RGL1: variants seen among roughly 807,000 people sequenced by gnomAD.
RGL1 encodes ral guanine nucleotide dissociation stimulator like 1, also known as ral guanine nucleotide dissociation stimulator-like 1.
In RGL1, 24 loss-of-function variants were observed where a neutral mutation model predicts 95.2. That is an observed-to-expected ratio of 0.25 (90% CI 0.18 to 0.35). RGL1 has a LOEUF of 0.35. RGL1 is among the 10% of genes least tolerant of loss of function. RGL1 has a pLI of 1.00. For missense variants in RGL1, 715 were observed against 936.3 expected, an observed-to-expected ratio of 0.76 and a Z score of 3.08; for synonymous variants, 329 against 344.9, an observed-to-expected ratio of 0.95 and a Z score of 0.51.
At chr1:183,745,286 T>C (rs1429174704) in intron 2 of RGL1, among the ~76,000 whole-genome samples, 2 of 152,216 alleles carry the variant, frequency 1.3e-5, no homozygotes, top group Non-Finnish European at 2.9e-5. Flanking sequence ...ATTGATTTCA[T>C]GCACTAAAAC....
At chr1:183,848,422 T>G (rs911442582) in intron 3 of RGL1, among the ~76,000 whole-genome samples, 80 of 152,208 alleles carry the variant, frequency 5.3e-4, no homozygotes, top group Non-Finnish European at 1.1e-3. Flanking sequence ...TATCATTAAA[T>G]CAACTTGATA....
intron 3 of RGL1, among the ~76,000 whole-genome samples, chr1:183,850,246 A>G (rs927669802): frequency 4.6e-5 from 7 of 152,134 alleles, no homozygotes; most frequent in African/African-American, 1.7e-4. Context: ...TGATTATCTA[A>G]TTATAACTCT....
At chr1:183,763,589 T>A (rs1658815721) in intron 2 of RGL1, among the ~76,000 whole-genome samples, 1 of 152,138 alleles carries the variant, frequency 6.6e-6, no homozygotes, top group East Asian at 1.9e-4. Flanking sequence ...AACAAGTACT[T>A]ATTAAATAGA....
rs756524983 is a variant in RGL1 at position 183,906,974 on chromosome 1, C to CT, written c.1473-37dup. On this transcript the variant is annotated intron_variant, in intron 13 of 17. Coordinates refer to ENST00000360851, the MANE Select transcript of RGL1 (RefSeq NM_001297671.3). ...GAATTTAAGTGTGTTTTTCAATTCT[C>CT]TAACTTTGACCTCATGGAGCCCCCT... 3.4e-6 allele frequency: 4 copies of CT among 1,190,638 alleles called. No homozygotes were observed. In the African/African-American group the frequency reaches 4.5e-5, roughly 13 times the overall value. The allele number at this position is 1,190,638 out of a possible 1,614,324, so 73.8% of individuals were successfully genotyped here.
chr1:183,647,872 T>C (rs1168427256), intron 1 of RGL1: 1 of 1,614,148 alleles, frequency 6.2e-7, no homozygotes, highest in South Asian at 1.1e-5. Flanking sequence ...CCCATATGCA[T>C]TGGTGGTAAG....
intron 1 of RGL1, among the ~76,000 whole-genome samples, chr1:183,740,163 CT>C (rs1250633473): frequency 1.3e-5 from 2 of 151,892 alleles, no homozygotes; most frequent in African/African-American, 4.8e-5. Context: ...TTTTAATTTC[CT>C]TTTTTTGGAC....
chr1:183,644,938 G>C (rs904861399), intron 1 of RGL1, among the ~76,000 whole-genome samples: 7 of 152,118 alleles, frequency 4.6e-5, no homozygotes, highest in African/African-American at 1.7e-4. Context: ...GACAGGAGCT[G>C]GTCATAGAGG....
chr1:183,882,150 C>T (rs10797918), intron 5 of RGL1, among the ~76,000 whole-genome samples: 86,377 of 152,172 alleles, frequency 0.57, 24,932 homozygotes, highest in African/African-American at 0.68. Context: ...AAAGTAAAAT[C>T]GTGCTTCATG....
chr1:183,706,926 T>G lies in RGL1; in HGVS notation c.-32-35200T>G, dbSNP rs1200357368. 2.0e-5 allele frequency among the ~76,000 whole-genome samples: 3 copies of G among 152,192 alleles called. No individual in the cohort carries two copies. In the East Asian group the frequency reaches 5.8e-4, roughly 29 times the overall value. Reference sequence around the variant, plus strand: ...TGAACTGAAGGTTTAAGATAGTGGTTCCTTCTGGGCTGTCTGGGTCTAGGT... The same window carrying G: ...TGAACTGAAGGTTTAAGATAGTGGTGCCTTCTGGGCTGTCTGGGTCTAGGT... On this transcript the variant is annotated intron_variant, in intron 1 of 18. Coordinates refer to the RGL1 transcript ENST00000304685.
chr1:183,780,514 G>A (rs577976472), intron 2 of RGL1, among the ~76,000 whole-genome samples: 11 of 152,296 alleles, frequency 7.2e-5, no homozygotes, highest in African/African-American at 2.6e-4. Context: ...GCCCTCTTCT[G>A]CCCCAGCACT....
At chr1:183,771,034 A>G (rs941248641) in intron 2 of RGL1, among the ~76,000 whole-genome samples, 7 of 152,186 alleles carry the variant, frequency 4.6e-5, no homozygotes, top group Non-Finnish European at 8.8e-5. Context: ...AGGCTGGGTT[A>G]TAAACCTTAC....
intron 2 of RGL1, among the ~76,000 whole-genome samples, chr1:183,759,772 T>C (rs1658555743): frequency 6.6e-6 from 1 of 152,246 alleles, no homozygotes; most frequent in African/African-American, 2.4e-5. Context: ...TATGACATGA[T>C]GCATTTAATA....
intron 2 of RGL1, among the ~76,000 whole-genome samples, chr1:183,764,209 G>A (rs1441778913): frequency 6.6e-6 from 1 of 152,204 alleles, no homozygotes; most frequent in Non-Finnish European, 1.5e-5. Flanking sequence ...CATTGCCAGG[G>A]AAGAAGGGTT....
intron 2 of RGL1, among the ~76,000 whole-genome samples, chr1:183,792,285 A>G (rs997564523): frequency 6.6e-6 from 1 of 152,074 alleles, no homozygotes; most frequent in Non-Finnish European, 1.5e-5. Context: ...TTTATTTCAA[A>G]ACCCTGATAT....
intron 8 of RGL1, among the ~76,000 whole-genome samples, chr1:183,891,509 G>C (rs1006111413): frequency 5.9e-5 from 9 of 152,104 alleles, no homozygotes; most frequent in African/African-American, 1.9e-4. Flanking sequence ...GATGCAATTG[G>C]AACTCACCAC....
chr1:183,853,269 C>T (rs538255563), intron 3 of RGL1, among the ~76,000 whole-genome samples: 1 of 152,130 alleles, frequency 6.6e-6, no homozygotes, highest in East Asian at 1.9e-4. Context: ...GCGGAGGTTG[C>T]AGTGAGCTGA....
chr1:183,654,479 CA>C (rs1165666960), intron 1 of RGL1, among the ~76,000 whole-genome samples: 1 of 152,192 alleles, frequency 6.6e-6, no homozygotes, highest in Non-Finnish European at 1.5e-5. Context: ...TATTACTTAT[CA>C]AAAGCTGGGT....
At position 183,922,214 on chromosome 1, in the gene RGL1, C is replaced by T. The variant is rs1313851692; in HGVS notation, c.2005-8C>T. 3 of 1,611,744 alleles carry T rather than the reference C, an allele frequency of 1.9e-6. No homozygotes were observed. In the Admixed American group the frequency reaches 5.0e-5, roughly 27 times the overall value. On this transcript the variant is annotated splice_region_variant and splice_polypyrimidine_tract_variant and intron_variant, in intron 16 of 17. Coordinates refer to ENST00000360851, the MANE Select transcript of RGL1 (RefSeq NM_001297671.3). Reference sequence around the variant, plus strand: ...AGTACTTTACAAACCTGTTCATTGTCTTTGCAGTTGACGAGCCAGGATAAA... The same window carrying T: ...AGTACTTTACAAACCTGTTCATTGTTTTTGCAGTTGACGAGCCAGGATAAA...
intron 1 of RGL1, among the ~76,000 whole-genome samples, chr1:183,716,176 A>C (rs1247833520): frequency 2.0e-5 from 3 of 152,216 alleles, no homozygotes; most frequent in Non-Finnish European, 2.9e-5. Flanking sequence ...TAACCATTAC[A>C]ATATACTAGA....
Sources: gnomAD v4.1 joint callset for allele counts (sites outside exome capture counted in the v4.1 genomes callset) on GRCh38, gnomAD v4.1.1 for gene constraint, MANE v1.5 for transcripts, NCBI Gene and HGNC (gene_info 2026-07-23, HGNC 2026-07-21) for gene names.